Variants in LRRC9 observed in about 807,000 individuals in gnomAD.
LRRC9 encodes leucine-rich repeat-containing protein 9.
In LRRC9, 122 loss-of-function variants were observed where a neutral mutation model predicts 63.2. The observed-to-expected ratio is 1.93, with a 90% confidence interval of 1.67 to 2.24. The LOEUF is 2.24. Ranked by LOEUF, LRRC9 falls within the 30% of genes most tolerant of loss-of-function variation. The pLI is 0.00. For synonymous variants in LRRC9, 366 were observed against 213.1 expected (o/e 1.72, Z -6.25); for missense variants, 1,071 against 627.7 (o/e 1.71, Z -7.55).
chr14:60,063,017 G>C (rs766702927), intron 31 of LRRC9, among the ~76,000 whole-genome samples: 3 of 151,708 alleles, frequency 2.0e-5, no homozygotes, highest in East Asian at 1.9e-4. Flanking sequence ...TCAGCCTCTC[G>C]AGTAGCTGGG....
intron 12 of LRRC9, 91 bp downstream of exon 12, chr14:59,967,304 A>G: frequency 2.1e-6 from 1 of 476,716 alleles, no homozygotes; most frequent in Non-Finnish European, 3.8e-6. Context: ...CCTTTTATCC[A>G]TATTTATAGT....
intron 23 of LRRC9, 24 bp downstream of exon 23, chr14:60,008,238 C>T: frequency 1.4e-6 from 1 of 692,600 alleles, no homozygotes; most frequent in Non-Finnish European, 2.6e-6. Context: ...TGACTCACAA[C>T]ATTTGGTCTA....
At chr14:59,961,433 G>A (rs529805465) in intron 10 of LRRC9, among the ~76,000 whole-genome samples, 84 of 152,270 alleles carry the variant, frequency 5.5e-4, no homozygotes, top group Admixed American at 4.9e-3. Context: ...TATTGGTTGA[G>A]AAACTGGAAG....
In LRRC9 at chr14:60,031,996, A is replaced by T; in HGVS notation, c.3923A>T (p.Asp1308Val). Residue 1308 changes from aspartate (D) to valine (V), a missense_variant and splice_region_variant, in exon 29 of 32, where the codon GAT (aspartate) becomes GTT (valine). Coordinates refer to ENST00000445360, the Ensembl canonical transcript of LRRC9. The surrounding 1 kb of genome is among the most constrained non-coding windows in gnomAD (Gnocchi z 4.6). ...ACTTACTGATTAACTTTTGAATAGG[A>T]TATCACAGAACTGGAAAAACTTGAC... The T allele has an allele frequency of 1.4e-6, 1 of 700,310 alleles. No individual in the cohort carries two copies. Among genetic ancestry groups the T allele is most frequent in the Non-Finnish European group, 2.6e-6 (1 of 383,464 alleles). 43.4% of individuals were successfully genotyped at this position (700,310 alleles called of 1,614,324 possible). A position where few individuals can be genotyped will look rare whatever the true frequency, so the allele number is the denominator to read the frequency against.
intron 29 of LRRC9, among the ~76,000 whole-genome samples, chr14:60,039,226 T>A (rs545345846): frequency 6.6e-6 from 1 of 152,318 alleles, no homozygotes; most frequent in Admixed American, 6.5e-5. Context: ...TAAAATTCTC[T>A]TTTTTGTTGT....
chr14:59,960,960 C>A (rs1438272327), exon 10 of LRRC9: 1 of 693,680 alleles, frequency 1.4e-6, no homozygotes, highest in South Asian at 1.5e-5. Context: ...GAAGAAAAGT[C>A]ATGGCTTATT....
intron 25 of LRRC9, among the ~76,000 whole-genome samples, chr14:60,018,905 T>C (rs1265229429): frequency 6.6e-6 from 1 of 151,896 alleles, no homozygotes; most frequent in African/African-American, 2.4e-5. Context: ...ATTGAGAAAG[T>C]TGAGGAGTTT....
rs1179643198 is a variant in LRRC9, at chr14:60,017,513, A to G, written c.3317+723A>G. On this transcript the variant is annotated intron_variant, in intron 24 of 31. Coordinates refer to ENST00000445360, the Ensembl canonical transcript of LRRC9. The surrounding 1 kb of genome is among the most constrained non-coding windows in gnomAD (Gnocchi z 4.0). ...TTCCCTGAAATGCCATTACATTGGTATGATAGAGATGCTAACTCTATCACA... is the reference window on the plus strand; with the variant it reads ...TTCCCTGAAATGCCATTACATTGGTGTGATAGAGATGCTAACTCTATCACA... 6.6e-6 allele frequency among the ~76,000 whole-genome samples: 1 copy of G among 152,122 alleles called. No individual in the cohort carries two copies.
In LRRC9 at chr14:59,982,605, A is replaced by C. The variant is rs1053959673; in HGVS notation, c.2091+545A>C. 1.1e-4 allele frequency among the ~76,000 whole-genome samples: 15 copies of C among 141,782 alleles called. 1 individual carries two copies. Among genetic ancestry groups the C allele is most frequent in the Admixed American group, 7.5e-4 (10 of 13,248 alleles). The allele number at this position is 141,782 out of a possible 152,430, so 93.0% of individuals were successfully genotyped here. A position where few individuals can be genotyped will look rare whatever the true frequency, so the allele number is the denominator to read the frequency against. ...ACCCACTCCTCTGAAAGTGACATTA[A>C]TCCATTCATGAAGGCAGAGGGAGTA... On this transcript the variant is annotated intron_variant, in intron 16 of 31. Coordinates refer to ENST00000445360, the Ensembl canonical transcript of LRRC9.
At chr14:59,955,034 A>G (rs1359893691) in intron 8 of LRRC9, among the ~76,000 whole-genome samples, 2 of 152,152 alleles carry the variant, frequency 1.3e-5, no homozygotes, top group Non-Finnish European at 2.9e-5. Flanking sequence ...GTGCTGCTGG[A>G]TTTGGTTTGC....
intron 5 of LRRC9, 31 bp downstream of exon 5, chr14:59,931,713 A>G: frequency 1.5e-6 from 1 of 664,014 alleles, no homozygotes. Flanking sequence ...AATCTGAGAT[A>G]ATGCTATAAT....
At chr14:59,977,166 G>A in intron 13 of LRRC9, 59 bp from the exon 14 acceptor site, 1 of 629,868 alleles carries the variant, frequency 1.6e-6, no homozygotes, top group Non-Finnish European at 2.8e-6. Flanking sequence ...AGAAGGTTAT[G>A]TTGGAAAATT....
intron 15 of LRRC9, among the ~76,000 whole-genome samples, chr14:59,980,404 T>A (rs2140094713): frequency 6.6e-6 from 1 of 152,324 alleles, no homozygotes; most frequent in Non-Finnish European, 1.5e-5. Flanking sequence ...TTCATATATC[T>A]TGATGTGTGA....
At position 59,932,010 on chromosome 14, in the gene LRRC9, C is replaced by A. The variant is rs1889749222; in HGVS notation, c.514C>A (p.Leu172Ile). The change falls in exon 6 of 32, where the codon CTT becomes ATT. Residue 172 changes from leucine to isoleucine, a missense_variant. By Grantham distance (5) the Leu-to-Ile change is conservative (BLOSUM62 2). Coordinates refer to ENST00000445360, the Ensembl canonical transcript of LRRC9. This position sits in a 1 kb window ranked among gnomAD's most constrained non-coding sequence, Gnocchi z 4.7. ...CAATGAACAACTGGAAAGATTAAACCTTTCTGGTAACCAAATATGTTCTTT... is the reference window on the plus strand; with the variant it reads ...CAATGAACAACTGGAAAGATTAAACATTTCTGGTAACCAAATATGTTCTTT... The A allele has an allele frequency of 1.4e-6, 1 of 699,928 alleles. No individual in the cohort carries two copies. The highest frequency in any genetic ancestry group is 2.6e-6 in the Non-Finnish European group (1 of 383,464). 43.4% of individuals were successfully genotyped at this position (699,928 alleles called of 1,614,324 possible). A position where few individuals can be genotyped will look rare whatever the true frequency, so the allele number is the denominator to read the frequency against.
chr14:59,954,817 T>C (rs969811647), intron 8 of LRRC9, among the ~76,000 whole-genome samples: 1 of 152,188 alleles, frequency 6.6e-6, no homozygotes, highest in Admixed American at 6.5e-5. Flanking sequence ...TGAGATATGT[T>C]CCAGCAATAC....
Position 60,053,241 on chromosome 14 carries a change from G to A in LRRC9, c.4131+36G>A. ...TATTATTTACAATTTTCCTTTTGAA[G>A]CACATTAATGGTTAGTAAATGAACA... On this transcript the variant is annotated intron_variant, in intron 30 of 31. Transcript: ENST00000445360. This position sits in a 1 kb window ranked among gnomAD's most constrained non-coding sequence, Gnocchi z 4.8. 1 of 683,480 alleles carries A rather than the reference G, an allele frequency of 1.5e-6. No individual in the cohort carries two copies. Among genetic ancestry groups the A allele is most frequent in the Non-Finnish European group, 2.7e-6 (1 of 375,466 alleles). The allele number at this position is 683,480 out of a possible 1,614,324, so 42.3% of individuals were successfully genotyped here.
At chr14:60,044,932 G>A (rs1893279389) in intron 29 of LRRC9, among the ~76,000 whole-genome samples, 1 of 151,764 alleles carries the variant, frequency 6.6e-6, no homozygotes, top group Non-Finnish European at 1.5e-5. Flanking sequence ...CTTTCTTTAG[G>A]TCTATTAATG....
rs1467954983 is a variant in LRRC9, at chr14:60,031,253, G to T, written c.3922-742G>T. 6.6e-6 allele frequency among the ~76,000 whole-genome samples: 1 copy of T among 151,916 alleles called. No individual in the cohort carries two copies. The highest frequency in any genetic ancestry group is 1.5e-5 in the Non-Finnish European group (1 of 67,926). ...TTCACTTCCACATGATCTAAAATAG[G>T]TCTAAATATTTTTACAGTTACTAGA... On this transcript the variant is annotated intron_variant, in intron 28 of 31. Transcript: ENST00000445360. The surrounding 1 kb of genome is among the most constrained non-coding windows in gnomAD (Gnocchi z 4.6).
chr14:60,021,508 CT>C (rs1177075825), intron 26 of LRRC9, among the ~76,000 whole-genome samples: 2 of 151,796 alleles, frequency 1.3e-5, no homozygotes, highest in Non-Finnish European at 2.9e-5. Flanking sequence ...AATTTACCAT[CT>C]TTTCTCTTAC....
Sources: allele counts gnomAD v4.1 joint callset (sites outside exome capture counted in the v4.1 genomes callset), GRCh38; gene constraint gnomAD v4.1.1; non-coding constraint Gnocchi (gnomAD v3.1); transcripts MANE v1.5; gene names NCBI Gene and HGNC (gene_info 2026-07-23, HGNC 2026-07-21).